Variants in FANCA observed in about 807,000 individuals in gnomAD.
The protein encoded by FANCA is Fanconi anemia group A protein.
A neutral mutation model predicts 194.3 loss-of-function variants in FANCA; 236 were observed. That is an observed-to-expected ratio of 1.21 (90% CI 1.09 to 1.35). FANCA has a LOEUF of 1.35. Ranked by LOEUF, FANCA falls within the 40% of genes most tolerant of loss-of-function variation. The pLI is 0.00. For synonymous variants in FANCA, 1,014 were observed against 715.8 expected (o/e 1.42, Z -6.65); for missense variants, 2,628 against 1,813.9 (o/e 1.45, Z -8.15).
intron 22 of FANCA, among the ~76,000 whole-genome samples, chr16:89,773,000 T>C (rs1289854672): frequency 1.3e-5 from 2 of 152,054 alleles, no homozygotes; most frequent in Non-Finnish European, 2.9e-5. Context: ...TAGTCACGCG[T>C]TTTCTTCTCT....
At chr16:89,762,887 G>A (rs570641325) in intron 28 of FANCA, 84 of 322,724 alleles carry the variant, frequency 2.6e-4, no homozygotes, top group African/African-American at 1.6e-3. Flanking sequence ...CAGATCACGA[G>A]GTCAGCAGAT....
intron 30 of FANCA, among the ~76,000 whole-genome samples, chr16:89,757,182 G>A (rs886971008): frequency 6.6e-6 from 1 of 151,758 alleles, no homozygotes; most frequent in African/African-American, 2.4e-5. Context: ...GGCTGGTCTC[G>A]AGCTCCTGAG....
intron 27 of FANCA, among the ~76,000 whole-genome samples, chr16:89,765,272 C>T (rs147194506): frequency 1.3e-5 from 2 of 152,088 alleles, no homozygotes; most frequent in African/African-American, 2.4e-5. Context: ...GCACAACACA[C>T]AACCCCACGT....
chr16:89,792,533 G>C lies in FANCA; in HGVS notation c.1021C>G (p.Gln341Glu), dbSNP rs1397235074. ...SPVLKASDAVQMQREWSFART... is the reference protein window; with the variant it reads ...SPVLKASDAVEMQREWSFART... ...GCAAAGCTCCACTCTCTCTGCATCT[G>C]AACAGCATCAGATGCTGCAGGGGGA... Residue 341 changes from glutamine to glutamate, a missense_variant, in exon 12 of 43, where the codon CAG becomes GAG. Gln to Glu is a conservative substitution (Grantham distance 29, BLOSUM62 2). Coordinates refer to ENST00000389301, the MANE Select transcript of FANCA (RefSeq NM_000135.4). 1.2e-6 allele frequency: 2 copies of C among 1,613,184 alleles called. No individual in the cohort carries two copies. The highest frequency in any genetic ancestry group is 1.7e-5 in the Admixed American group (1 of 60,010).
chr16:89,740,429 A>T, intron 38 of FANCA: 1 of 462,982 alleles, frequency 2.2e-6, no homozygotes, highest in South Asian at 2.4e-5. Flanking sequence ...CACTGAGGCC[A>T]GTTCAAGACC....
At chr16:89,772,170 A>G (rs11646766) in intron 22 of FANCA, among the ~76,000 whole-genome samples, 10 of 152,210 alleles carry the variant, frequency 6.6e-5, no homozygotes, top group African/African-American at 1.2e-4. Context: ...TGGCCCAGGG[A>G]AATGGGCCAC....
chr16:89,739,167 G>A lies in FANCA; in HGVS notation c.4133C>T (p.Pro1378Leu), dbSNP rs760814763. 7.4e-6 allele frequency: 12 copies of A among 1,614,052 alleles called. No homozygotes were observed. In the African/African-American group the frequency reaches 1.1e-4, roughly 14 times the overall value. The change falls in exon 41 of 43, where the codon CCT becomes CTT. Residue 1378 changes from proline to leucine, a missense_variant. Physicochemically the swap from Pro to Leu is moderately conservative, Grantham distance 98. Coordinates refer to ENST00000389301, the MANE Select transcript of FANCA (RefSeq NM_000135.4). Reference protein sequence around the residue: ...FVAGDTSTVSPPAGRSLELKG... With the variant: ...FVAGDTSTVSLPAGRSLELKG... ...GAGCTCCAGGCTCCTGCCAGCTGGAGGTGAAACTGTGCTTGTATCCCCAGC... is the reference window on the plus strand; with the variant it reads ...GAGCTCCAGGCTCCTGCCAGCTGGAAGTGAAACTGTGCTTGTATCCCCAGC...
At chr16:89,777,943 C>T (rs1460426240) in intron 20 of FANCA, among the ~76,000 whole-genome samples, 1 of 152,060 alleles carries the variant, frequency 6.6e-6, no homozygotes, top group Non-Finnish European at 1.5e-5. Flanking sequence ...GGGCAGATCG[C>T]TTGAGCCCAG....
chr16:89,753,604 G>A (rs2038671763), intron 30 of FANCA, among the ~76,000 whole-genome samples: 1 of 152,102 alleles, frequency 6.6e-6, no homozygotes, highest in African/African-American at 2.4e-5. Context: ...CAATCAACCA[G>A]GAACAAAGGA....
Position 89,814,614 on chromosome 16 carries a change from C to G in FANCA, c.190-1G>C, listed in dbSNP as rs765277254. On this transcript the variant is annotated splice_acceptor_variant, in intron 2 of 42. Coordinates refer to ENST00000389301, the MANE Select transcript of FANCA (RefSeq NM_000135.4). LOFTEE classifies it high-confidence loss of function. ...ATTTTTTACACAGTGGACCTTCTACCTAGAATCCAAAACACAACAAACTCC... is the reference window on the plus strand; with the variant it reads ...ATTTTTTACACAGTGGACCTTCTACGTAGAATCCAAAACACAACAAACTCC... The G allele has an allele frequency of 6.2e-7, 1 of 1,610,992 alleles. No individual in the cohort carries two copies. The highest frequency in any genetic ancestry group is 8.5e-7 in the Non-Finnish European group (1 of 1,177,406).
rs2061988507 is a variant in FANCA at position 89,737,753 on chromosome 16, C to T, written c.*848G>A. The T allele has an allele frequency of 1.2e-6, 2 of 1,610,552 alleles. No homozygotes were observed. The highest frequency in any genetic ancestry group is 8.5e-7 in the Non-Finnish European group (1 of 1,177,278). ...GGTTTCACATTGTCATCGTCGTCCC[C>T]CCGGGAGGTTGGAGCATCAGGGGCC... On this transcript the variant is annotated 3_prime_UTR_variant, in exon 43 of 43. Coordinates refer to ENST00000389301, the MANE Select transcript of FANCA (RefSeq NM_000135.4).
intron 10 of FANCA, among the ~76,000 whole-genome samples, chr16:89,797,273 G>C (rs1250195120): frequency 6.6e-6 from 1 of 152,190 alleles, no homozygotes; most frequent in Non-Finnish European, 1.5e-5. Flanking sequence ...ATAGGTTGTA[G>C]TAAACCGAGA....
chr16:89,751,125 T>C (rs1291408713), intron 31 of FANCA, among the ~76,000 whole-genome samples: 2 of 152,112 alleles, frequency 1.3e-5, no homozygotes, highest in African/African-American at 4.8e-5. Context: ...GCCCCTGACC[T>C]CAAGTGATCT....
intron 20 of FANCA, among the ~76,000 whole-genome samples, chr16:89,777,503 A>T (rs565083043): frequency 2.0e-5 from 3 of 151,906 alleles, no homozygotes; most frequent in African/African-American, 7.3e-5. Flanking sequence ...AGGTGGGTGG[A>T]TCACAAGATC....
chr16:89,793,775 G>GA (rs34337423), intron 11 of FANCA, among the ~76,000 whole-genome samples: 2 of 151,062 alleles, frequency 1.3e-5, no homozygotes, highest in African/African-American at 2.4e-5. Context: ...TTTTGATGCT[G>GA]AGTCTCACTC....
At chr16:89,771,094 G>T (rs1212466024) in intron 23 of FANCA, among the ~76,000 whole-genome samples, 4 of 151,202 alleles carry the variant, frequency 2.6e-5, no homozygotes, top group Admixed American at 2.0e-4. Flanking sequence ...GAACCCAGGA[G>T]GTGGAGGCTG....
At chr16:89,773,844 C>A (rs1202213521) in intron 21 of FANCA, among the ~76,000 whole-genome samples, 2 of 150,554 alleles carry the variant, frequency 1.3e-5, no homozygotes, top group Non-Finnish European at 2.9e-5. Context: ...GCGATCTCGG[C>A]TCACTGTAAC....
chr16:89,815,768 G>A, intron 2 of FANCA, 109 bp downstream of exon 2: 1 of 923,576 alleles, frequency 1.1e-6, no homozygotes. Context: ...TGCGGGCCAG[G>A]CCACCGCGCC....
intron 38 of FANCA, 160 bp downstream of exon 38, chr16:89,740,644 A>G: frequency 1.5e-6 from 1 of 647,392 alleles, no homozygotes; most frequent in South Asian, 1.8e-5. Context: ...CTCAAAAAAA[A>G]AAAAAAAAAA....
Sources: gnomAD v4.1 joint callset for allele counts (sites outside exome capture counted in the v4.1 genomes callset) on GRCh38, gnomAD v4.1.1 for gene constraint, MANE v1.5 for transcripts, NCBI Gene and HGNC (gene_info 2026-07-23, HGNC 2026-07-21) for gene names.